Variants in ROBO1 observed in about 807,000 individuals in gnomAD.
The protein encoded by ROBO1 is roundabout guidance receptor 1.
ROBO1 carries 149 observed loss-of-function variants against 195.9 expected under a neutral mutation model. That is an observed-to-expected ratio of 0.76 (90% confidence interval 0.67 to 0.87). The LOEUF (loss-of-function observed/expected upper bound fraction) is 0.87. ROBO1 is among the 40% of genes least tolerant of loss of function. The pLI is 0.00. For missense variants in ROBO1, 1,933 were observed against 2,068.3 expected (o/e 0.93, Z 1.27); for synonymous variants, 816 against 733.2 (o/e 1.11, Z -1.82).
intron 2 of ROBO1, chr3:79,526,378 A>G (rs943040602): frequency 2.6e-5 from 4 of 152,270 alleles, no homozygotes; most frequent in Non-Finnish European, 1.5e-5. Context: ...CATGACAAGT[A>G]CTTACATTAG....
intron 2 of ROBO1, among the ~76,000 whole-genome samples, chr3:79,250,610 T>C (rs532541069): frequency 1.1e-4 from 17 of 152,220 alleles, no homozygotes; most frequent in African/African-American, 4.1e-4. Context: ...TATAAAACAG[T>C]CTATACTGCC....
At chr3:78,903,191 A>G (rs914770819) in intron 4 of ROBO1, among the ~76,000 whole-genome samples, 2 of 152,202 alleles carry the variant, frequency 1.3e-5, no homozygotes, top group African/African-American at 4.8e-5. Context: ...TTTTATTAAT[A>G]TAATCCTCAA....
chr3:78,923,124 T>A (rs1217697952), intron 4 of ROBO1, among the ~76,000 whole-genome samples: 2 of 152,094 alleles, frequency 1.3e-5, no homozygotes, highest in Non-Finnish European at 2.9e-5. Flanking sequence ...GAAAATGAAG[T>A]CACAGAGTTC....
intron 8 of ROBO1, chr3:78,693,175 C>T (rs2081213365): frequency 2.6e-6 from 2 of 757,758 alleles, no homozygotes; most frequent in African/African-American, 1.8e-5. Context: ...TTCACAGTTA[C>T]CCATACTTCC....
intron 1 of ROBO1, among the ~76,000 whole-genome samples, chr3:79,603,933 C>T (rs1944410230): frequency 6.6e-6 from 1 of 151,864 alleles, no homozygotes; most frequent in Non-Finnish European, 1.5e-5. Context: ...TTCCAGTTAC[C>T]AAAGGATGAT....
chr3:79,411,828 A>G (rs2037780837), intron 2 of ROBO1, among the ~76,000 whole-genome samples: 1 of 152,186 alleles, frequency 6.6e-6, no homozygotes, highest in Non-Finnish European at 1.5e-5. Context: ...GGAAATGCTA[A>G]GAACTGCAAA....
chr3:79,761,442 G>C (rs1422824616), intron 1 of ROBO1, among the ~76,000 whole-genome samples: 1 of 152,112 alleles, frequency 6.6e-6, no homozygotes, highest in Non-Finnish European at 1.5e-5. Context: ...ATCTGGAAGA[G>C]TACCCAGAAA....
chr3:79,061,086 T>G (rs979880017), intron 3 of ROBO1, among the ~76,000 whole-genome samples: 46 of 151,998 alleles, frequency 3.0e-4, no homozygotes, highest in Non-Finnish European at 5.2e-4. Context: ...TGACATGATT[T>G]TATATTTAGA....
intron 2 of ROBO1, among the ~76,000 whole-genome samples, chr3:79,126,002 T>C (rs998710069): frequency 6.6e-6 from 1 of 152,106 alleles, no homozygotes; most frequent in Admixed American, 6.6e-5. Flanking sequence ...TTGTACCTCA[T>C]ATGAGGCAGG....
At chr3:79,477,573 A>C (rs929357163) in intron 2 of ROBO1, among the ~76,000 whole-genome samples, 1 of 152,194 alleles carries the variant, frequency 6.6e-6, no homozygotes, top group Non-Finnish European at 1.5e-5. Context: ...AACAAAAACA[A>C]CAAGTGGGAA....
intron 4 of ROBO1, among the ~76,000 whole-genome samples, chr3:78,914,098 C>T (rs957164694): frequency 1.3e-5 from 2 of 152,126 alleles, no homozygotes; most frequent in Non-Finnish European, 2.9e-5. Context: ...ATGGCTAAAA[C>T]ATTTTAATGT....
chr3:79,550,940 A>G (rs1942486724), intron 2 of ROBO1, among the ~76,000 whole-genome samples: 2 of 152,166 alleles, frequency 1.3e-5, no homozygotes, highest in South Asian at 4.1e-4. Context: ...AATCTCATGA[A>G]TGAATTAATG....
intron 8 of ROBO1, among the ~76,000 whole-genome samples, chr3:78,690,859 G>A (rs78453362): frequency 0.035 from 5,371 of 152,188 alleles, 131 homozygotes; most frequent in Non-Finnish European, 0.054. Context: ...GTTTAAGAAT[G>A]TGTGCCAGAA....
In ROBO1 at chr3:78,597,672, T is replaced by G. The variant is rs2107188333; in HGVS notation, c.*1241A>C. The G allele has an allele frequency of 6.6e-6, 1 of 152,490 alleles. No homozygotes were observed. Among genetic ancestry groups the G allele is most frequent in the African/African-American group, 2.4e-5 (1 of 41,566 alleles). 9.4% of individuals were successfully genotyped at this position (152,490 alleles called of 1,614,324 possible). A position where few individuals can be genotyped will look rare whatever the true frequency, so the allele number is the denominator to read the frequency against. On this transcript the variant is annotated 3_prime_UTR_variant, in exon 31 of 31. Coordinates refer to ENST00000464233, the MANE Select transcript of ROBO1 (RefSeq NM_002941.4). Reference sequence around the variant, plus strand: ...GCAAGTAATGCCTCTATTAGAGATTTTAAGGAAATCTTGTAGGTTTCGACA... The same window carrying G: ...GCAAGTAATGCCTCTATTAGAGATTGTAAGGAAATCTTGTAGGTTTCGACA...
intron 4 of ROBO1, among the ~76,000 whole-genome samples, chr3:78,827,434 G>T (rs1313391287): frequency 6.6e-6 from 1 of 152,162 alleles, no homozygotes; most frequent in African/African-American, 2.4e-5. Context: ...AGCTTCTAAA[G>T]TTAAAGAGGC....
intron 1 of ROBO1, among the ~76,000 whole-genome samples, chr3:79,627,826 A>T (rs183244557): frequency 6.6e-6 from 1 of 152,160 alleles, no homozygotes; most frequent in African/African-American, 2.4e-5. Flanking sequence ...CCCATCAAAA[A>T]ATGGGTTAAA....
At chr3:79,471,536 G>A (rs1354556853) in intron 2 of ROBO1, among the ~76,000 whole-genome samples, 1 of 151,888 alleles carries the variant, frequency 6.6e-6, no homozygotes. Flanking sequence ...TTGCATTAGT[G>A]GTGCTTTGTT....
At chr3:78,628,319 A>C (rs561526511) in intron 25 of ROBO1, among the ~76,000 whole-genome samples, 1 of 152,312 alleles carries the variant, frequency 6.6e-6, no homozygotes, top group South Asian at 2.1e-4. Context: ...GTTCAGTCCA[A>C]TACAACCCAT....
chr3:78,859,327 T>C (rs551207392), intron 4 of ROBO1, among the ~76,000 whole-genome samples: 9 of 152,342 alleles, frequency 5.9e-5, no homozygotes, highest in Admixed American at 5.2e-4. Context: ...AGAGTTTGAA[T>C]TTTTAAAAGA....
Sources: gnomAD v4.1 joint callset for allele counts (sites outside exome capture counted in the v4.1 genomes callset) on GRCh38, gnomAD v4.1.1 for gene constraint, MANE v1.5 for transcripts, NCBI Gene and HGNC (gene_info 2026-07-23, HGNC 2026-07-21) for gene names.